The following KRT77 variants were observed in gnomAD, a reference collection of about 807,000 sequenced individuals.
KRT77 encodes keratin, type II cytoskeletal 1b.
In KRT77, 44 loss-of-function variants were observed where a neutral mutation model predicts 51.5. The ratio of observed to expected loss-of-function variants is 0.85; its 90% CI spans 0.67 to 1.10. The LOEUF (loss-of-function observed/expected upper bound fraction) is 1.10. Ranked by LOEUF, KRT77 falls within the 50% of genes least tolerant of loss-of-function variation. The pLI is 0.00. For missense variants in KRT77, 763 were observed against 743.9 expected, an observed-to-expected ratio of 1.03 and a Z score of -0.30; for synonymous variants, 293 against 302.0, an observed-to-expected ratio of 0.97 and a Z score of 0.31.
At chr12:52,696,347 C>T in intron 3 of KRT77, 23 bp downstream of exon 3, 1 of 1,613,368 alleles carries the variant, frequency 6.2e-7, no homozygotes, top group Non-Finnish European at 8.5e-7. Context: ...CACAGCCACC[C>T]TCAGGACTCC....
At position 52,703,299 on chromosome 12, in the gene KRT77, C is replaced by T; in HGVS notation, c.136G>A (p.Gly46Ser). ...CTTCCATGGATCCCATATCCACCAC[C>T]ACCACACCTCCCTCGAGCATAACAC... ...SVCYARGRCGGGGYGIHGRGF... is the reference protein window; with the variant it reads ...SVCYARGRCGSGGYGIHGRGF... Residue 46 changes from glycine to serine, a missense_variant, in exon 1 of 9, where the codon GGT (glycine) becomes AGT (serine). Transcript: ENST00000341809. The T allele has an allele frequency of 6.2e-7, 1 of 1,614,136 alleles. No individual in the cohort carries two copies.
Position 52,690,276 on chromosome 12 carries a change from G to C in KRT77, c.*889C>G, listed in dbSNP as rs894394566. The C allele has an allele frequency of 1.3e-5, 2 of 152,222 alleles. No homozygotes were observed. Among genetic ancestry groups the C allele is most frequent in the African/African-American group, 2.4e-5 (1 of 41,448 alleles). 9.4% of individuals were successfully genotyped at this position (152,222 alleles called of 1,614,324 possible). A position where few individuals can be genotyped will look rare whatever the true frequency, so the allele number is the denominator to read the frequency against. On this transcript the variant is annotated 3_prime_UTR_variant, in exon 9 of 9. Transcript: ENST00000341809. Reference sequence around the variant, plus strand: ...ACTCCTGCATCCACTGCTAAAACAGGCTTCCTTTGGGTAAGGATTCATGAC... The same window carrying C: ...ACTCCTGCATCCACTGCTAAAACAGCCTTCCTTTGGGTAAGGATTCATGAC...
At position 52,703,033 on chromosome 12, in the gene KRT77, C is replaced by T. The variant is rs763685646; in HGVS notation, c.402G>A (p.Gly134=). ...GGTTAATGGTCACCTCTTGGATGCC[C>T]CCAGGAGGACAATAAGGACCAAAGC... ...LGGFGPYCPP[G]GIQEVTINQS... The change falls in exon 1 of 9, where the codon GGG becomes GGA. Residue 134 remains glycine (G), a synonymous_variant. Coordinates refer to ENST00000341809, the MANE Select transcript of KRT77 (RefSeq NM_175078.3). 1.3e-5 allele frequency: 21 copies of T among 1,613,966 alleles called. No individual in the cohort carries two copies. In the South Asian group the frequency reaches 2.0e-4, roughly 15 times the overall value.
chr12:52,695,654 T>C, intron 4 of KRT77, 118 bp downstream of exon 4: 1 of 643,346 alleles, frequency 1.6e-6, no homozygotes. Flanking sequence ...TTGGGGTACC[T>C]GGGGAGATGA....
chr12:52,700,660 G>A (rs1941874466), intron 1 of KRT77, among the ~76,000 whole-genome samples: 1 of 152,186 alleles, frequency 6.6e-6, no homozygotes, highest in Non-Finnish European at 1.5e-5. Context: ...ACTAGCCATT[G>A]TATCCCGAAA....
intron 5 of KRT77, among the ~76,000 whole-genome samples, chr12:52,694,223 T>C (rs989137546): frequency 1.2e-4 from 17 of 147,370 alleles, no homozygotes; most frequent in African/African-American, 4.0e-4. Flanking sequence ...CTACTATCTA[T>C]TATAAAATGG....
At chr12:52,696,181 A>G (rs1941792539) in intron 3 of KRT77, among the ~76,000 whole-genome samples, 189 bp downstream of exon 3, 1 of 152,142 alleles carries the variant, frequency 6.6e-6, no homozygotes, top group Admixed American at 6.5e-5. Context: ...GAGAGATACG[A>G]ACTCAAGGCT....
At chr12:52,696,266 C>A in intron 3 of KRT77, 104 bp downstream of exon 3, 1 of 1,090,500 alleles carries the variant, frequency 9.2e-7, no homozygotes, top group Non-Finnish European at 1.4e-6. Context: ...GCAAGCCGGC[C>A]GTAGAGGCCA....
rs1208672282 is a variant in KRT77 at position 52,703,373 on chromosome 12, G to C, written c.62C>G (p.Thr21Ser). Residue 21 changes from threonine (T) to serine (S), a missense_variant, in exon 1 of 9, where the codon ACC becomes AGC. Coordinates refer to ENST00000341809, the MANE Select transcript of KRT77 (RefSeq NM_175078.3). ...FSSMSRRVYS[T>S]SSSAGSGGGS... ...ACCACCAGAGCCTGCAGAAGAGCTG[G>C]TACTATAAACCCGCCTGCTCATTGA... 6.2e-7 allele frequency: 1 copy of C among 1,613,394 alleles called. No homozygotes were observed. Among genetic ancestry groups the C allele is most frequent in the African/African-American group, 1.3e-5 (1 of 74,990 alleles).
At chr12:52,691,516 A>AG (rs1941709806) in intron 8 of KRT77, 77 bp from the exon 9 acceptor site, 1 of 1,457,944 alleles carries the variant, frequency 6.9e-7, no homozygotes, top group Admixed American at 2.3e-5. Flanking sequence ...CTGCACCTGC[A>AG]GCCTCCTCCA....
At chr12:52,699,807 T>A (rs1386610887) in intron 1 of KRT77, among the ~76,000 whole-genome samples, 1 of 152,204 alleles carries the variant, frequency 6.6e-6, no homozygotes, top group Non-Finnish European at 1.5e-5. Flanking sequence ...TGAGCATCTC[T>A]CTCCCGGGCT....
intron 4 of KRT77, 103 bp from the exon 5 acceptor site, chr12:52,694,893 G>A (rs755808218): frequency 8.5e-6 from 9 of 1,062,080 alleles, no homozygotes; most frequent in South Asian, 2.0e-5. Flanking sequence ...CAGAAGCCTG[G>A]GCCAGGTAGT....
At chr12:52,694,295 G>A (rs1941759257) in intron 5 of KRT77, among the ~76,000 whole-genome samples, 1 of 152,136 alleles carries the variant, frequency 6.6e-6, no homozygotes, top group Non-Finnish European at 1.5e-5. Context: ...TAATAAATAA[G>A]TAAAGCACTT....
intron 1 of KRT77, 85 bp downstream of exon 1, chr12:52,702,807 C>A (rs771311854): frequency 3.8e-5 from 52 of 1,379,220 alleles, no homozygotes; most frequent in Middle Eastern, 2.2e-4. Flanking sequence ...TGAAACAGCA[C>A]GATGTGGTGA....
At chr12:52,702,550 GTGTT>G (rs146957631) in intron 1 of KRT77, among the ~76,000 whole-genome samples, 12,036 of 44,098 alleles carry the variant, frequency 0.27, 1,749 homozygotes, top group African/African-American at 0.43. Flanking sequence ...GTGTGTGTGT[GTGTT>G]TGTGTGTGTG....
chr12:52,697,683 T>G lies in KRT77; in HGVS notation c.757A>C (p.Lys253Gln), dbSNP rs1281745443. Residue 253 changes from lysine to glutamine, a missense_variant and splice_region_variant, in exon 2 of 9, where the codon AAG becomes CAG. Lys to Gln is a moderately conservative substitution (Grantham distance 53). Transcript: ENST00000341809. The part of the protein sequence containing the change: ...MQDVVEDYKS[K>Q]YEDEINKRTG... ...GTTTTGCCCTGCCTGGAGTCTCACT[T>G]GCTCTTGTAGTCCTCCACGACATCC... 1.9e-6 allele frequency: 3 copies of G among 1,609,782 alleles called. No homozygotes were observed. In the Admixed American group the frequency reaches 5.0e-5, roughly 27 times the overall value.
intron 1 of KRT77, among the ~76,000 whole-genome samples, chr12:52,701,029 C>G (rs1297243592): frequency 3.3e-5 from 5 of 152,204 alleles, no homozygotes; most frequent in South Asian, 2.1e-4. Context: ...CCATGCCCTT[C>G]GAAGGACAGG....
chr12:52,692,721 G>T, intron 6 of KRT77, 34 bp downstream of exon 6: 1 of 1,602,018 alleles, frequency 6.2e-7, no homozygotes, highest in Non-Finnish European at 8.5e-7. Context: ...GGAGGTGCAG[G>T]GCTTGGTCAG....
Position 52,691,269 on chromosome 12 carries a change from C to A in KRT77, c.1633G>T (p.Gly545Cys), listed in dbSNP as rs574919551. The A allele has an allele frequency of 6.2e-5, 99 of 1,599,462 alleles. 1 individual carries two copies. The Middle Eastern group carries it at 1.8e-3, about 30-fold the overall frequency. The part of the protein sequence containing the change: ...GGGYGSGCGG[G>C]GGSYGGSGRS... ...CCGCTCCCTCCGTAGCTCCCGCCAC[C>A]GCCGCCGCAGCCGCTGCCATAACCG... The change falls in exon 9 of 9, where the codon GGT becomes TGT. Residue 545 changes from glycine (G) to cysteine (C), a missense_variant. Transcript: ENST00000341809.
Sources: allele counts gnomAD v4.1 joint callset (sites outside exome capture counted in the v4.1 genomes callset), GRCh38; gene constraint gnomAD v4.1.1; transcripts MANE v1.5; gene names NCBI Gene and HGNC (gene_info 2026-07-23, HGNC 2026-07-21).